Variants in TEX36 observed in about 807,000 individuals in gnomAD.
TEX36 encodes testis-expressed protein 36.
A neutral mutation model predicts 13.6 loss-of-function variants in TEX36; 12 were observed. The ratio of observed to expected loss-of-function variants is 0.88; its 90% CI spans 0.56 to 1.43. TEX36 has a LOEUF of 1.43. Among genes scored for constraint, TEX36 ranks in the 40% most tolerant of loss-of-function variants. The probability of loss-of-function intolerance (pLI) is 0.00; values close to 1 mark genes in which losing one functional copy is unlikely to be tolerated. For missense variants in TEX36, 224 were observed against 228.3 expected (o/e 0.98, Z 0.12); for synonymous variants, 93 against 83.0 (o/e 1.12, Z -0.65).
chr10:125,639,381 T>G (rs1846656076), intron 3 of TEX36, among the ~76,000 whole-genome samples: 1 of 152,230 alleles, frequency 6.6e-6, no homozygotes, highest in African/African-American at 2.4e-5. Flanking sequence ...TGACAGTCTA[T>G]GCTGGATGCA....
downstream of TEX36, among the ~76,000 whole-genome samples, chr10:125,652,400 T>G (rs531960526): frequency 3.9e-5 from 6 of 152,348 alleles, no homozygotes; most frequent in African/African-American, 1.4e-4. Context: ...GATTCCCTAT[T>G]TAATAAATGG....
downstream of TEX36, among the ~76,000 whole-genome samples, chr10:125,619,689 T>C (rs986501823): frequency 6.6e-6 from 1 of 152,004 alleles, no homozygotes; most frequent in Admixed American, 6.6e-5. Flanking sequence ...CCCGAGTATC[T>C]GGGATTACAG....
At chr10:125,670,870 A>G (rs181842841) in intron 1 of TEX36, among the ~76,000 whole-genome samples, 2 of 151,918 alleles carry the variant, frequency 1.3e-5, no homozygotes, top group Non-Finnish European at 2.9e-5. Flanking sequence ...TGTTTTTTTC[A>G]AGTTTGTTGA....
At chr10:125,661,246 G>A (rs964288676) in intron 2 of TEX36, 145 bp from the exon 3 acceptor site, 1 of 685,694 alleles carries the variant, frequency 1.5e-6, no homozygotes, top group African/African-American at 1.8e-5. Flanking sequence ...AGATGGAGCA[G>A]ACACAGGAGG....
At chr10:125,589,072 A>G (rs1845992131) in intron 3 of TEX36, among the ~76,000 whole-genome samples, 1 of 152,220 alleles carries the variant, frequency 6.6e-6, no homozygotes, top group Non-Finnish European at 1.5e-5. Flanking sequence ...ATGGAGAGGA[A>G]AACATCAAAC....
chr10:125,579,512 C>T (rs1319518639), intron 3 of TEX36, among the ~76,000 whole-genome samples: 1 of 152,198 alleles, frequency 6.6e-6, no homozygotes, highest in East Asian at 1.9e-4. Flanking sequence ...TGGGTGGGGA[C>T]ACAGTCAAAT....
At chr10:125,648,125 G>T (rs1432383288) in intron 3 of TEX36, among the ~76,000 whole-genome samples, 1 of 152,228 alleles carries the variant, frequency 6.6e-6, no homozygotes, top group Non-Finnish European at 1.5e-5. Context: ...AGACTTAAAT[G>T]TCCCTGTCTG....
intron 3 of TEX36, among the ~76,000 whole-genome samples, chr10:125,615,926 C>T (rs1383078156): frequency 7.9e-5 from 12 of 152,068 alleles, no homozygotes; most frequent in Non-Finnish European, 1.5e-4. Context: ...ACTCTTTTTG[C>T]TTGGTAAGCT....
chr10:125,676,796 G>A (rs1050984087), intron 1 of TEX36, among the ~76,000 whole-genome samples: 1 of 152,114 alleles, frequency 6.6e-6, no homozygotes, highest in Non-Finnish European at 1.5e-5. Flanking sequence ...TGTTCTACGA[G>A]TGAGTTTTAT....
chr10:125,656,110 A>G lies in TEX36; in HGVS notation c.351T>C (p.Ser117=), dbSNP rs912404907. The G allele has an allele frequency of 6.4e-7, 1 of 1,551,094 alleles. No individual in the cohort carries two copies. Among genetic ancestry groups the G allele is most frequent in the Non-Finnish European group, 8.7e-7 (1 of 1,146,892 alleles). ...FNLWACDYVP[S]CLDGFSNNQI... ...GGTTATTTGAAAAGCCATCAAGACA[A>G]GATGGAACATAGTCACATGCCCAGA... The change falls in exon 4 of 4, where the codon TCT becomes TCC. Residue 117 remains serine (S), a synonymous_variant. Transcript: ENST00000368821.
At chr10:125,636,698 C>T (rs1190897567) in intron 3 of TEX36, among the ~76,000 whole-genome samples, 2 of 152,206 alleles carry the variant, frequency 1.3e-5, no homozygotes, top group African/African-American at 4.8e-5. Flanking sequence ...CCCGAACCCA[C>T]TCAGGCCAGT....
chr10:125,590,958 C>A (rs1007142106), intron 3 of TEX36, among the ~76,000 whole-genome samples: 1 of 152,088 alleles, frequency 6.6e-6, no homozygotes. Flanking sequence ...GAGTAATGTT[C>A]GTGGGATATA....
intron 1 of TEX36, among the ~76,000 whole-genome samples, chr10:125,681,301 T>C (rs1250401816): frequency 6.6e-6 from 1 of 152,230 alleles, no homozygotes; most frequent in African/African-American, 2.4e-5. Flanking sequence ...CATTGTTACT[T>C]AAGAAATATA....
intron 1 of TEX36, among the ~76,000 whole-genome samples, chr10:125,673,410 T>G (rs1360717828): frequency 6.6e-6 from 1 of 151,964 alleles, no homozygotes; most frequent in Admixed American, 6.5e-5. Flanking sequence ...AGTTGGAAAT[T>G]TTTTGCTTTA....
chr10:125,578,725 T>A (rs1845853843), intron 3 of TEX36, among the ~76,000 whole-genome samples: 1 of 152,082 alleles, frequency 6.6e-6, no homozygotes, highest in Non-Finnish European at 1.5e-5. Flanking sequence ...GACCACCCCA[T>A]CTCATGCCTA....
chr10:125,621,745 A>G, intron 3 of TEX36: 1 of 439,474 alleles, frequency 2.3e-6, no homozygotes, highest in East Asian at 7.0e-5. Context: ...CAAAGGCCCA[A>G]GAGCCCCCCA....
chr10:125,612,216 T>G (rs945000622), intron 3 of TEX36, among the ~76,000 whole-genome samples: 1 of 151,786 alleles, frequency 6.6e-6, no homozygotes, highest in African/African-American at 2.4e-5. Context: ...CCGGAGTAGC[T>G]GGGACTACAG....
At chr10:125,576,837 T>G in exon 4 of TEX36, 1 of 1,536,124 alleles carries the variant, frequency 6.5e-7, no homozygotes, top group Non-Finnish European at 8.7e-7. Context: ...TTGTCTCTTG[T>G]CTGGTTCTCC....
At chr10:125,615,492 AG>A (rs1386145974) in intron 3 of TEX36, among the ~76,000 whole-genome samples, 5 of 152,110 alleles carry the variant, frequency 3.3e-5, no homozygotes, top group African/African-American at 1.2e-4. Flanking sequence ...TTTAGCATGA[AG>A]GGTTGTTGAA....
Sources: allele counts gnomAD v4.1 joint callset (sites outside exome capture counted in the v4.1 genomes callset), GRCh38; gene constraint gnomAD v4.1.1; transcripts MANE v1.5; gene names NCBI Gene and HGNC (gene_info 2026-07-23, HGNC 2026-07-21).